The following SLC8A1 variants were observed in gnomAD, a reference collection of about 807,000 sequenced individuals.
SLC8A1 encodes the protein solute carrier family 8 member A1.
SLC8A1 carries 18 observed loss-of-function variants against 68.3 expected under a neutral mutation model. The observed-to-expected ratio is 0.26, with a 90% confidence interval of 0.18 to 0.39. SLC8A1 has a LOEUF of 0.39. Among genes scored for constraint, SLC8A1 ranks in the 10% least tolerant of loss-of-function variants. SLC8A1 has a pLI of 1.00. For missense variants in SLC8A1, 985 were observed against 1,156.7 expected (o/e 0.85, Z 2.15); for synonymous variants, 475 against 415.5 (o/e 1.14, Z -1.74).
intron 2 of SLC8A1, among the ~76,000 whole-genome samples, chr2:40,377,159 A>T (rs1347886981): frequency 6.6e-6 from 1 of 152,134 alleles, no homozygotes; most frequent in Non-Finnish European, 1.5e-5. Context: ...AGCCTAGCCT[A>T]ATCAGGTAAC....
intron 1 of SLC8A1, among the ~76,000 whole-genome samples, chr2:40,491,736 A>C (rs1247846258): frequency 2.0e-5 from 3 of 152,126 alleles, no homozygotes; most frequent in African/African-American, 7.2e-5. Flanking sequence ...TATTGAGAGA[A>C]CCATGTGGTT....
exon 8 of SLC8A1, chr2:40,104,909 G>A (rs2034102864): frequency 6.6e-6 from 1 of 151,670 alleles, no homozygotes; most frequent in African/African-American, 2.4e-5. Context: ...TTTTCCTTAG[G>A]TAATTATCCA....
At chr2:40,497,185 G>T (rs1157529644) in intron 1 of SLC8A1, among the ~76,000 whole-genome samples, 1 of 152,024 alleles carries the variant, frequency 6.6e-6, no homozygotes, top group African/African-American at 2.4e-5. Flanking sequence ...AGAAGGGAAA[G>T]ACCTCCTGCT....
At chr2:40,315,914 C>T (rs2074383701) in intron 2 of SLC8A1, among the ~76,000 whole-genome samples, 1 of 151,986 alleles carries the variant, frequency 6.6e-6, no homozygotes, top group African/African-American at 2.4e-5. Context: ...ATGAAACGGA[C>T]CTGGGCATGC....
chr2:40,349,235 C>T (rs986780664), intron 2 of SLC8A1, among the ~76,000 whole-genome samples: 1 of 151,974 alleles, frequency 6.6e-6, no homozygotes, highest in South Asian at 2.1e-4. Context: ...TGAAAAAAAC[C>T]GAAGACATGT....
chr2:40,300,465 C>A (rs1165266037), intron 2 of SLC8A1, among the ~76,000 whole-genome samples: 4 of 152,120 alleles, frequency 2.6e-5, no homozygotes, highest in Non-Finnish European at 5.9e-5. Context: ...AGACATTCTA[C>A]ATTTCTTATT....
At chr2:40,174,602 G>A in intron 4 of SLC8A1, 104 bp downstream of exon 6, 1 of 1,059,434 alleles carries the variant, frequency 9.4e-7, no homozygotes, top group South Asian at 1.6e-5. Context: ...AGCACACCAT[G>A]TGCCACAGTT....
intron 2 of SLC8A1, among the ~76,000 whole-genome samples, chr2:40,421,044 T>C (rs1168827433): frequency 6.6e-6 from 1 of 152,042 alleles, no homozygotes; most frequent in African/African-American, 2.4e-5. Context: ...TGTTGTTTAA[T>C]AAATCTTAGT....
intron 1 of SLC8A1, among the ~76,000 whole-genome samples, chr2:40,457,906 G>C (rs1703115923): frequency 6.6e-6 from 1 of 152,204 alleles, no homozygotes; most frequent in Admixed American, 6.5e-5. Flanking sequence ...GACTGAGAAA[G>C]AAAGTACAAA....
At chr2:40,373,127 T>G (rs2149516975) in intron 2 of SLC8A1, among the ~76,000 whole-genome samples, 1 of 151,660 alleles carries the variant, frequency 6.6e-6, no homozygotes. Flanking sequence ...TAGTATTTTT[T>G]GCCTTGAAGG....
intron 2 of SLC8A1, among the ~76,000 whole-genome samples, chr2:40,230,342 T>G (rs2059495799): frequency 6.6e-6 from 1 of 152,166 alleles, no homozygotes; most frequent in Non-Finnish European, 1.5e-5. Context: ...CCTTTAACAC[T>G]TCCTGGAATG....
At chr2:40,430,064 C>T (rs372921563) in exon 2 of SLC8A1, 1 of 1,613,670 alleles carries the variant, frequency 6.2e-7, no homozygotes, top group African/African-American at 1.3e-5. Context: ...GCAATTTTGT[C>T]CCCAAAAGAA....
intron 2 of SLC8A1, among the ~76,000 whole-genome samples, chr2:40,426,559 T>C (rs1017614703): frequency 6.6e-6 from 1 of 152,010 alleles, no homozygotes; most frequent in Non-Finnish European, 1.5e-5. Context: ...TATTTATGGT[T>C]TGGTAAAAGT....
At chr2:40,451,529 TC>T (rs569518455) in intron 1 of SLC8A1, among the ~76,000 whole-genome samples, 1 of 152,096 alleles carries the variant, frequency 6.6e-6, no homozygotes, top group Admixed American at 6.5e-5. Context: ...AGCTCTGCAT[TC>T]GGGGTGGACT....
chr2:40,446,019 T>C (rs990448400), intron 1 of SLC8A1, among the ~76,000 whole-genome samples: 4 of 152,134 alleles, frequency 2.6e-5, no homozygotes, highest in Non-Finnish European at 5.9e-5. Context: ...AACCAAAGGG[T>C]GGCCCTGGGT....
At chr2:40,325,824 G>A (rs950734724) in intron 2 of SLC8A1, among the ~76,000 whole-genome samples, 4 of 150,502 alleles carry the variant, frequency 2.7e-5, no homozygotes, top group South Asian at 2.1e-4. Flanking sequence ...CGTGGTGGCA[G>A]GTGCCTGTAG....
At chr2:40,192,597 A>G (rs950638047) in intron 2 of SLC8A1, among the ~76,000 whole-genome samples, 26 of 152,186 alleles carry the variant, frequency 1.7e-4, no homozygotes, top group African/African-American at 6.3e-4. Context: ...GGGTCTATGT[A>G]TAATGAATAA....
chr2:40,128,467 G>C (rs1005848926), intron 7 of SLC8A1, among the ~76,000 whole-genome samples: 2 of 152,156 alleles, frequency 1.3e-5, no homozygotes, highest in African/African-American at 4.8e-5. Context: ...CCAGCAGTCA[G>C]CACCTACAGT....
In SLC8A1 at chr2:40,191,339, AC is replaced by A. The variant is rs575173216; in HGVS notation, c.1809-13485del. 1.0e-3 allele frequency among the ~76,000 whole-genome samples: 159 copies of A among 152,306 alleles called. 1 individual carries two copies. Among genetic ancestry groups the A allele is most frequent in the Admixed American group, 3.5e-3 (54 of 15,288 alleles). ...TGGGTATTCCATTTAGCTTAAAAAAACATCAGTTATCATTTTGGAGTTCATA... is the reference window on the plus strand; with the variant it reads ...TGGGTATTCCATTTAGCTTAAAAAAAATCAGTTATCATTTTGGAGTTCATA... On this transcript the variant is annotated intron_variant, in intron 2 of 7. Coordinates refer to ENST00000406785, the Ensembl canonical transcript of SLC8A1.
Sources: gnomAD v4.1 joint callset for allele counts (sites outside exome capture counted in the v4.1 genomes callset) on GRCh38, gnomAD v4.1.1 for gene constraint, MANE v1.5 for transcripts, NCBI Gene and HGNC (gene_info 2026-07-23, HGNC 2026-07-21) for gene names.